The following BBS12 variants were observed in gnomAD, a reference collection of about 807,000 sequenced individuals.
BBS12 encodes chaperonin-containing T-complex member BBS12.
A neutral mutation model predicts 5.6 loss-of-function variants in BBS12; 5 were observed. That is an observed-to-expected ratio of 0.89 (90% CI 0.46 to 1.86). The LOEUF (loss-of-function observed/expected upper bound fraction) is 1.86, where lower values mean the gene tolerates loss of function less well. Ranked by LOEUF, BBS12 falls within the 40% of genes most tolerant of loss-of-function variation. BBS12 has a pLI of 0.01. For synonymous variants in BBS12, 308 were observed against 306.8 expected (o/e 1.00, Z -0.04); for missense variants, 748 against 830.4 (o/e 0.90, Z 1.22).
chr4:122,743,625 C>A lies in BBS12; in HGVS notation c.1733C>A (p.Ser578Ter), dbSNP rs1800931751. The change falls in exon 2 of 2, where the codon TCA (serine) becomes TAA (stop). Residue 578 changes from serine (S) to a stop codon, truncating the protein, a stop_gained. Transcript: ENST00000314218. LOFTEE classifies it low-confidence loss of function (END_TRUNC). ...CATAATACTTCCTCTTGGCTGGCTT[C>A]ATCTCTGGCAATATACAGACCAACT... ...WLHNTSSWLA[S>*]SLAIYRPTVL... 6.2e-7 allele frequency: 1 copy of A among 1,614,092 alleles called. No homozygotes were observed. The highest frequency in any genetic ancestry group is 1.7e-5 in the Admixed American group (1 of 60,014).
At chr4:122,730,752 T>C (rs1347269668), upstream of BBS12, 5 of 148,628 alleles carry the variant, frequency 3.4e-5, no homozygotes, top group Admixed American at 2.0e-4. Flanking sequence ...GTTAGAATTA[T>C]AATCCTAAAT....
chr4:122,720,702 G>A, the BBS12 span, among the ~76,000 whole-genome samples: 10 of 151,974 alleles, frequency 6.6e-5, no homozygotes, highest in East Asian at 9.7e-4. Context: ...ATGATGATTC[G>A]GAAACAACAT....
rs915677674 is a variant in BBS12, at chr4:122,742,203, A to C, written c.311A>C (p.His104Pro). 1 of 1,613,908 alleles carries C rather than the reference A, an allele frequency of 6.2e-7. No homozygotes were observed. ...AGCAGTGCAGTTGAAGAATGTCTTC[A>C]TCTTGGTGTCCCCATTTCCATAATA... Reference protein sequence around the residue: ...AWSSAVEECLHLGVPISIIVS... With the variant: ...AWSSAVEECLPLGVPISIIVS... The change falls in exon 2 of 2, where the codon CAT (histidine) becomes CCT (proline). Residue 104 changes from histidine to proline, a missense_variant. Transcript: ENST00000314218.
rs17006077 is a variant in BBS12 at position 122,741,943 on chromosome 4, A to G, written c.51A>G (p.Gln17=). 19,421 of 1,613,914 alleles carry G rather than the reference A, an allele frequency of 0.012. 1,785 individuals carry two copies. The African/African-American group carries it at 0.21, about 18-fold the overall frequency. The change falls in exon 2 of 2, where the codon CAA becomes CAG. Residue 17 remains glutamine (Q), a synonymous_variant. Transcript: ENST00000314218. ...VVNKRRHMGL[Q]QLSSFAETGR... is the part of the protein sequence containing the mutation. ...ACAAAAGAAGACACATGGGACTTCAACAACTTTCATCATTCGCGGAAACAG... is the reference window on the plus strand; with the variant it reads ...ACAAAAGAAGACACATGGGACTTCAGCAACTTTCATCATTCGCGGAAACAG...
intron 1 of BBS12, among the ~76,000 whole-genome samples, chr4:122,736,679 A>G (rs1422102677): frequency 2.0e-5 from 3 of 152,192 alleles, no homozygotes; most frequent in African/African-American, 7.2e-5. Flanking sequence ...GACAAGAATC[A>G]GATTGTGTCT....
chr4:122,744,186 C>A lies in BBS12; in HGVS notation c.*161C>A. On this transcript the variant is annotated 3_prime_UTR_variant, in exon 2 of 2. Coordinates refer to ENST00000314218, the MANE Select transcript of BBS12 (RefSeq NM_152618.3). Reference sequence around the variant, plus strand: ...GTGCATGGTCTGAGATTTTACCCTACTTATAAGCTAACAAGTTAGCCTGTT... The same window carrying A: ...GTGCATGGTCTGAGATTTTACCCTAATTATAAGCTAACAAGTTAGCCTGTT... The A allele has an allele frequency of 1.3e-6, 1 of 747,708 alleles. No individual in the cohort carries two copies. The highest frequency in any genetic ancestry group is 2.2e-6 in the Non-Finnish European group (1 of 453,846). 46.3% of individuals were successfully genotyped at this position (747,708 alleles called of 1,614,324 possible). A position where few individuals can be genotyped will look rare whatever the true frequency, so the allele number is the denominator to read the frequency against.
the BBS12 span, among the ~76,000 whole-genome samples, chr4:122,705,200 A>C: frequency 7.4e-3 from 1,124 of 152,314 alleles, 18 homozygotes; most frequent in African/African-American, 0.026. Context: ...ACATAACTTG[A>C]AAGGGTGCTG....
chr4:122,733,585 C>T (rs1345418169), intron 1 of BBS12, among the ~76,000 whole-genome samples: 1 of 152,308 alleles, frequency 6.6e-6, no homozygotes, highest in South Asian at 2.1e-4. Flanking sequence ...CCAACTCAAT[C>T]TCTTGTCCAG....
At chr4:122,721,156 A>G in the BBS12 span, among the ~76,000 whole-genome samples, 1 of 152,166 alleles carries the variant, frequency 6.6e-6, no homozygotes, top group Non-Finnish European at 1.5e-5. Flanking sequence ...AAAAGCTCAG[A>G]GAATTTATCA....
At chr4:122,712,399 A>G in the BBS12 span, among the ~76,000 whole-genome samples, 3 of 152,264 alleles carry the variant, frequency 2.0e-5, no homozygotes, top group African/African-American at 4.8e-5. Context: ...ACAAAAGGCT[A>G]TGATGGTCTA....
In BBS12 at chr4:122,742,254, AC is replaced by A. The variant is rs1342621324; in HGVS notation, c.363del (p.Cys123ValfsTer5). 5 of 1,613,900 alleles carry A rather than the reference AC, an allele frequency of 3.1e-6. No homozygotes were observed. Among genetic ancestry groups the A allele is most frequent in the Non-Finnish European group, 4.2e-6 (5 of 1,180,006 alleles). ...IIVSVMSEGL[N>X]FCSEEVVSLH... ...GTATCAGTAATGTCAGAAGGCTTAA[AC>A]TTTTGTAGTGAAGAGGTAGTTTCTC... On this transcript the variant is annotated frameshift_variant, in exon 2 of 2. Transcript: ENST00000314218. LOFTEE classifies it low-confidence loss of function (END_TRUNC).
chr4:122,722,745 C>T, the BBS12 span, among the ~76,000 whole-genome samples: 1 of 152,136 alleles, frequency 6.6e-6, no homozygotes, highest in Non-Finnish European at 1.5e-5. Flanking sequence ...TTTCAGCAAT[C>T]TATATAAATT....
At chr4:122,732,417 A>T (rs1253795366), upstream of BBS12, 1 of 152,350 alleles carries the variant, frequency 6.6e-6, no homozygotes, top group Non-Finnish European at 1.5e-5. Context: ...CTTCACACTC[A>T]CCAGGTCCCC....
the BBS12 span, among the ~76,000 whole-genome samples, chr4:122,721,735 G>C: frequency 6.6e-6 from 1 of 152,218 alleles, no homozygotes; most frequent in Non-Finnish European, 1.5e-5. Context: ...TAGGTTCCAA[G>C]GCTGGGTGCC....
Position 122,732,859 on chromosome 4 carries a change from C to G in BBS12, c.-36C>G, listed in dbSNP as rs1578483779. Reference sequence around the variant, plus strand: ...GGTGGGAAGCCGGGAACTCCAGCCCCCTGTAGGAGAGGAGAAAGGAGCGAG... The same window carrying G: ...GGTGGGAAGCCGGGAACTCCAGCCCGCTGTAGGAGAGGAGAAAGGAGCGAG... On this transcript the variant is annotated 5_prime_UTR_variant, in exon 1 of 2. Transcript: ENST00000314218. The G allele has an allele frequency of 6.6e-6, 1 of 152,496 alleles. No homozygotes were observed. The highest frequency in any genetic ancestry group is 2.1e-4 in the South Asian group (1 of 4,830). 9.4% of individuals were successfully genotyped at this position (152,496 alleles called of 1,614,324 possible).
In BBS12 at chr4:122,742,605, A is replaced by G; in HGVS notation, c.713A>G (p.Asn238Ser). The G allele has an allele frequency of 6.2e-7, 1 of 1,614,250 alleles. No individual in the cohort carries two copies. Among genetic ancestry groups the G allele is most frequent in the Non-Finnish European group, 8.5e-7 (1 of 1,180,042 alleles). Residue 238 changes from asparagine to serine, a missense_variant, in exon 2 of 2, where the codon AAT becomes AGT. Asn to Ser is a conservative substitution (Grantham distance 46). Coordinates refer to ENST00000314218, the MANE Select transcript of BBS12 (RefSeq NM_152618.3). ...QSILIHSRHFNRTDNTEGVSK... is the reference protein window; with the variant it reads ...QSILIHSRHFSRTDNTEGVSK... Reference sequence around the variant, plus strand: ...ATACTAATCCACAGTAGGCATTTTAATAGGACAGATAATACTGAAGGGGTA... The same window carrying G: ...ATACTAATCCACAGTAGGCATTTTAGTAGGACAGATAATACTGAAGGGGTA...
rs1800940325 is a variant in BBS12, at chr4:122,743,851, A to C, written c.1959A>C (p.Ser653=). The change falls in exon 2 of 2, where the codon TCA becomes TCC. Residue 653 remains serine, a synonymous_variant. Transcript: ENST00000314218. ...LNSRIFNSDI[S]NKLEQIPRVY... Reference sequence around the variant, plus strand: ...GTAGAATTTTTAATTCAGACATTTCAAATAAACTGGAGCAGATTCCGAGAG... The same window carrying C: ...GTAGAATTTTTAATTCAGACATTTCCAATAAACTGGAGCAGATTCCGAGAG... 6.2e-7 allele frequency: 1 copy of C among 1,606,168 alleles called. No homozygotes were observed. The highest frequency in any genetic ancestry group is 8.5e-7 in the Non-Finnish European group (1 of 1,176,616).
At chr4:122,715,908 T>C in the BBS12 span, among the ~76,000 whole-genome samples, 1 of 152,232 alleles carries the variant, frequency 6.6e-6, no homozygotes, top group African/African-American at 2.4e-5. Flanking sequence ...AAACTGACTT[T>C]TATACAACTG....
At chr4:122,706,693 C>G in the BBS12 span, among the ~76,000 whole-genome samples, 84 of 152,264 alleles carry the variant, frequency 5.5e-4, no homozygotes, top group African/African-American at 1.7e-3. Context: ...TCTTTCATGT[C>G]TTCAAGGTAA....
Sources: gnomAD v4.1 joint callset for allele counts (sites outside exome capture counted in the v4.1 genomes callset) on GRCh38, gnomAD v4.1.1 for gene constraint, MANE v1.5 for transcripts, NCBI Gene and HGNC (gene_info 2026-07-23, HGNC 2026-07-21) for gene names.